LRRC36: variants seen among roughly 807,000 people sequenced by gnomAD.
LRRC36 encodes leucine-rich repeat-containing protein 36.
A neutral mutation model predicts 81.1 loss-of-function variants in LRRC36; 62 were observed. That is an observed-to-expected ratio of 0.76 (90% CI 0.62 to 0.94). The LOEUF (loss-of-function observed/expected upper bound fraction) is 0.94. Ranked by LOEUF, LRRC36 falls within the 40% of genes least tolerant of loss-of-function variation. The pLI, the probability that LRRC36 is intolerant of heterozygous loss-of-function variation, is 0.00. For missense variants in LRRC36, 761 were observed against 881.7 expected (o/e 0.86, Z 1.73); for synonymous variants, 334 against 348.6 (o/e 0.96, Z 0.47).
intron 9 of LRRC36, among the ~76,000 whole-genome samples, chr16:67,373,894 C>T (rs2039771746): frequency 6.6e-6 from 1 of 151,762 alleles, no homozygotes; most frequent in East Asian, 1.9e-4. Flanking sequence ...CACCTATTAT[C>T]CCAGCTACTT....
chr16:67,366,405 A>T (rs772268512), intron 7 of LRRC36, among the ~76,000 whole-genome samples: 1 of 152,160 alleles, frequency 6.6e-6, no homozygotes, highest in Non-Finnish European at 1.5e-5. Context: ...ACCTGAGGTC[A>T]GGAGTTTGAG....
At chr16:67,346,647 T>C (rs7184253) in intron 3 of LRRC36, among the ~76,000 whole-genome samples, 199 bp downstream of exon 3, 27,010 of 152,120 alleles carry the variant, frequency 0.18, 5,729 homozygotes, top group African/African-American at 0.51. Context: ...ATGATTTTAT[T>C]AGTTACTTCC....
At chr16:67,337,948 G>A (rs891707853) in intron 1 of LRRC36, among the ~76,000 whole-genome samples, 2 of 152,006 alleles carry the variant, frequency 1.3e-5, no homozygotes, top group East Asian at 1.9e-4. Context: ...GCTGGGTGTG[G>A]TGGCGTATGC....
intron 2 of LRRC36, among the ~76,000 whole-genome samples, chr16:67,345,564 C>T (rs916836505): frequency 1.3e-5 from 2 of 152,080 alleles, no homozygotes; most frequent in African/African-American, 4.8e-5. Flanking sequence ...CAAGGAAGAA[C>T]ATTTCTGCAA....
At position 67,376,722 on chromosome 16, in the gene LRRC36, G is replaced by T; in HGVS notation, c.1661-5G>T. The T allele has an allele frequency of 6.2e-7, 1 of 1,608,050 alleles. No homozygotes were observed. Among genetic ancestry groups the T allele is most frequent in the South Asian group, 1.1e-5 (1 of 90,722 alleles). On this transcript the variant is annotated splice_region_variant and splice_polypyrimidine_tract_variant and intron_variant, in intron 10 of 13. Coordinates refer to ENST00000329956, the MANE Select transcript of LRRC36 (RefSeq NM_018296.6). The stretch of plus-strand genomic sequence containing the variant: ...GCCTGTGTGCCCATCCTGAATTTTT[G>T]GCAGGTCCTGCCCGAGATTTGCTTC...
At chr16:67,327,511 TAAAA>T (rs1331046947) in intron 1 of LRRC36, among the ~76,000 whole-genome samples, 3 of 151,876 alleles carry the variant, frequency 2.0e-5, no homozygotes, top group East Asian at 3.9e-4. Context: ...TAATAATAAA[TAAAA>T]TAAATAAATA....
rs60932461 is a variant in LRRC36, at chr16:67,335,763, G to A, written c.71-6194G>A. On this transcript the variant is annotated intron_variant, in intron 1 of 13. Coordinates refer to ENST00000329956, the MANE Select transcript of LRRC36 (RefSeq NM_018296.6). ...TTTTTTTTTTTTGAGACAGACTTTC[G>A]CTGTTGTTGCCCAGGCTGGAATGCA... Among the ~76,000 whole-genome samples, 831 of 149,244 alleles carry A rather than the reference G, an allele frequency of 5.6e-3. 23 individuals are homozygous for A. Among genetic ancestry groups the A allele is most frequent in the East Asian group, 0.038 (194 of 5,104 alleles).
chr16:67,327,097 G>T, intron 1 of LRRC36, 165 bp downstream of exon 1: 2 of 584,990 alleles, frequency 3.4e-6, no homozygotes, highest in South Asian at 2.8e-5. Flanking sequence ...AAGGTTAGAG[G>T]GAGGTGGAGG....
chr16:67,367,476 T>A lies in LRRC36; in HGVS notation c.1195+19T>A. The A allele has an allele frequency of 6.3e-7, 1 of 1,586,228 alleles. No individual in the cohort carries two copies. On this transcript the variant is annotated intron_variant, in intron 8 of 13. Coordinates refer to ENST00000329956, the MANE Select transcript of LRRC36 (RefSeq NM_018296.6). ...AGTTCAGGTAACAGCTTCCTGTCAGTTTACAGGTCTTCTTCATAGGCATGA... is the reference window on the plus strand; with the variant it reads ...AGTTCAGGTAACAGCTTCCTGTCAGATTACAGGTCTTCTTCATAGGCATGA...
rs1443281623 is a variant in LRRC36, at chr16:67,341,992, G to A, written c.106G>A (p.Ala36Thr). 6.2e-7 allele frequency: 1 copy of A among 1,610,960 alleles called. No homozygotes were observed. The highest frequency in any genetic ancestry group is 1.1e-5 in the South Asian group (1 of 90,766). Reference sequence around the variant, plus strand: ...GTCTCTTTCATTGCAGGGATCTTATGCTGGCAAAATCCATTCCATTGGTGA... The same window carrying A: ...GTCTCTTTCATTGCAGGGATCTTATACTGGCAAAATCCATTCCATTGGTGA... ...VESLSLQGSY[A>T]GKIHSIGDAF... Residue 36 changes from alanine (A) to threonine (T), a missense_variant, in exon 2 of 14, where the codon GCT (alanine) becomes ACT (threonine). Physicochemically the swap from Ala to Thr is moderately conservative, Grantham distance 58. Around this residue, in one of 3 missense-constraint regions of LRRC36, gnomAD observed 263 missense variants for 279.3 expected, o/e 0.94. Coordinates refer to ENST00000329956, the MANE Select transcript of LRRC36 (RefSeq NM_018296.6).
At chr16:67,350,397 T>G in intron 5 of LRRC36, 107 bp downstream of exon 5, 1 of 921,362 alleles carries the variant, frequency 1.1e-6, no homozygotes, top group Non-Finnish European at 1.7e-6. Flanking sequence ...AGAACCAATT[T>G]GAAGCAAGCA....
chr16:67,349,801 CCCAAACTGG>C (rs2038530325), intron 4 of LRRC36, among the ~76,000 whole-genome samples: 2 of 151,810 alleles, frequency 1.3e-5, no homozygotes, highest in African/African-American at 4.8e-5. Flanking sequence ...TGCTCTGTCA[CCCAAACTGG>C]AGTACAGTGG....
intron 1 of LRRC36, among the ~76,000 whole-genome samples, chr16:67,330,593 C>T (rs1365222029): frequency 2.0e-5 from 3 of 151,952 alleles, no homozygotes; most frequent in African/African-American, 4.8e-5. Context: ...TGGGCATGGT[C>T]GTTCACGCCT....
At chr16:67,332,613 A>G (rs1466158936) in intron 1 of LRRC36, among the ~76,000 whole-genome samples, 2 of 152,198 alleles carry the variant, frequency 1.3e-5, no homozygotes, top group Non-Finnish European at 2.9e-5. Flanking sequence ...CTCTTAAGAC[A>G]TGCATTCATG....
rs759258986 is a variant in LRRC36, at chr16:67,375,303, C to A, written c.1551C>A (p.Pro517=). Residue 517 remains proline (P), a synonymous_variant, in exon 10 of 14, where the codon CCC becomes CCA. Transcript: ENST00000329956. ...GTTTGGCTGGAAACCACAGTCCCCC[C>A]ATCTCTGCCAGAACCCCCCATGTGG... ...LHGLAGNHSP[P]ISARTPHVAT... 5.6e-6 allele frequency: 9 copies of A among 1,612,914 alleles called. No individual in the cohort carries two copies. The South Asian group carries it at 8.8e-5, about 16-fold the overall frequency.
At position 67,367,399 on chromosome 16, in the gene LRRC36, A is replaced by G. The variant is rs376596036; in HGVS notation, c.1137A>G (p.Leu379=). The G allele has an allele frequency of 3.7e-6, 6 of 1,614,078 alleles. No homozygotes were observed. The highest frequency in any genetic ancestry group is 5.1e-6 in the Non-Finnish European group (6 of 1,179,922). ...CCGCTTCACATTCCTGTGGAGACTTATTAACTTCTCTGTCAAACCCTGACT... is the reference window on the plus strand; with the variant it reads ...CCGCTTCACATTCCTGTGGAGACTTGTTAACTTCTCTGTCAAACCCTGACT... The part of the protein sequence containing the change: ...KTTASHSCGD[L]LTSLSNPDSS... Residue 379 remains leucine, a synonymous_variant, in exon 8 of 14, where the codon TTA becomes TTG. Coordinates refer to ENST00000329956, the MANE Select transcript of LRRC36 (RefSeq NM_018296.6).
chr16:67,326,820 C>A lies in LRRC36; in HGVS notation c.-43C>A. The A allele has an allele frequency of 1.4e-6, 2 of 1,395,734 alleles. No homozygotes were observed. Among genetic ancestry groups the A allele is most frequent in the South Asian group, 1.7e-5 (1 of 58,938 alleles). The allele number at this position is 1,395,734 out of a possible 1,614,324, so 86.5% of individuals were successfully genotyped here. On this transcript the variant is annotated 5_prime_UTR_variant, in exon 1 of 14. Coordinates refer to ENST00000329956, the MANE Select transcript of LRRC36 (RefSeq NM_018296.6). ...GGCAGTGGGCGGGGCCTGGCGTGCG[C>A]CGGGTGGTCTCGCGGGCGGTGGCAG...
chr16:67,344,858 C>T (rs1292112935), intron 2 of LRRC36, among the ~76,000 whole-genome samples: 1 of 152,014 alleles, frequency 6.6e-6, no homozygotes, highest in African/African-American at 2.4e-5. Flanking sequence ...AAATTTCTTG[C>T]AATGAGAAAA....
intron 12 of LRRC36, among the ~76,000 whole-genome samples, chr16:67,379,577 C>T (rs568854515): frequency 1.5e-4 from 23 of 152,132 alleles, no homozygotes; most frequent in Admixed American, 1.3e-3. Flanking sequence ...ATTAGCTGCG[C>T]GTGGTGGCAA....
Sources: allele counts gnomAD v4.1 joint callset (sites outside exome capture counted in the v4.1 genomes callset), GRCh38; gene constraint gnomAD v4.1.1; regional missense constraint gnomAD v4.1.1; transcripts MANE v1.5; gene names NCBI Gene and HGNC (gene_info 2026-07-23, HGNC 2026-07-21).